Variants in EPHA6 observed in about 807,000 individuals in gnomAD.
EPHA6 encodes EPH receptor A6.
In EPHA6, 50 loss-of-function variants were observed where a neutral mutation model predicts 112.0. The observed-to-expected ratio is 0.45, with a 90% CI of 0.36 to 0.56. EPHA6 has a LOEUF of 0.56. EPHA6 is among the 20% of genes least tolerant of loss of function. EPHA6 has a pLI of 0.00. For missense variants in EPHA6, 1,280 were observed against 1,417.4 expected (o/e 0.90, Z 1.56); for synonymous variants, 529 against 490.7 (o/e 1.08, Z -1.03).
At chr3:97,579,887 A>T (rs942123129) in intron 11 of EPHA6, among the ~76,000 whole-genome samples, 4 of 152,058 alleles carry the variant, frequency 2.6e-5, no homozygotes, top group Admixed American at 6.6e-5. Context: ...AGCATCTTTT[A>T]AAAAAAACTA....
chr3:97,182,763 C>T lies in EPHA6; in HGVS notation c.1115-43501C>T, dbSNP rs1445124958. 7.2e-5 allele frequency among the ~76,000 whole-genome samples: 11 copies of T among 152,170 alleles called. 1 individual carries two copies. In the East Asian group the frequency reaches 2.1e-3, roughly 30 times the overall value. On this transcript the variant is annotated intron_variant, in intron 3 of 17. Transcript: ENST00000389672. ...TTGATATTTTAAAAAAGTCTTCACA[C>T]ATAGTTTCATAAGAGAAAGTAGTGT...
At chr3:97,558,432 A>G (rs998590325) in intron 11 of EPHA6, among the ~76,000 whole-genome samples, 9 of 151,982 alleles carry the variant, frequency 5.9e-5, no homozygotes, top group African/African-American at 1.7e-4. Flanking sequence ...CCATTCAGTC[A>G]ATGAGTAAAT....
chr3:97,602,047 G>A (rs2093647411), intron 12 of EPHA6, among the ~76,000 whole-genome samples: 1 of 152,004 alleles, frequency 6.6e-6, no homozygotes, highest in Non-Finnish European at 1.5e-5. Flanking sequence ...TATTCAGGAT[G>A]TAACACTTTC....
chr3:97,205,506 A>T (rs548289679), intron 3 of EPHA6, among the ~76,000 whole-genome samples: 2 of 152,160 alleles, frequency 1.3e-5, no homozygotes, highest in Non-Finnish European at 1.5e-5. Flanking sequence ...TCAGACGTGA[A>T]TTTTTTTCAA....
At chr3:97,331,316 C>A (rs565672374) in intron 5 of EPHA6, among the ~76,000 whole-genome samples, 7 of 152,090 alleles carry the variant, frequency 4.6e-5, no homozygotes, top group South Asian at 2.1e-4. Context: ...GAAATTGACA[C>A]CCTAACATCA....
chr3:96,832,273 A>C (rs1259780326), intron 1 of EPHA6, among the ~76,000 whole-genome samples: 3 of 152,092 alleles, frequency 2.0e-5, no homozygotes, highest in African/African-American at 7.2e-5. Context: ...ATAGAGTTTA[A>C]CAGTTCAGCC....
chr3:97,282,197 ATAAG>A (rs1360813412), intron 5 of EPHA6, among the ~76,000 whole-genome samples: 1 of 152,200 alleles, frequency 6.6e-6, no homozygotes, highest in Admixed American at 6.5e-5. Flanking sequence ...TCAGATAAAT[ATAAG>A]TATGTTCAAT....
chr3:96,994,732 T>TATATATATATAG (rs1170197805), intron 3 of EPHA6, among the ~76,000 whole-genome samples: 12 of 82,198 alleles, frequency 1.5e-4, no homozygotes, highest in Admixed American at 1.0e-3. Flanking sequence ...TATATATATA[T>TATATATATATAG]AGAGAGAGAG....
chr3:97,323,567 A>G (rs2082223717), intron 5 of EPHA6, among the ~76,000 whole-genome samples: 1 of 151,918 alleles, frequency 6.6e-6, no homozygotes, highest in Admixed American at 6.6e-5. Flanking sequence ...GGAAAACACT[A>G]AACTTATGAA....
At chr3:97,668,204 A>G (rs1255622598) in intron 14 of EPHA6, among the ~76,000 whole-genome samples, 2 of 152,208 alleles carry the variant, frequency 1.3e-5, no homozygotes, top group Admixed American at 6.5e-5. Context: ...AGCAAATCAG[A>G]CCTATTCTGC....
At chr3:97,018,611 T>C (rs1410766332) in intron 3 of EPHA6, among the ~76,000 whole-genome samples, 1 of 152,176 alleles carries the variant, frequency 6.6e-6, no homozygotes, top group Non-Finnish European at 1.5e-5. Flanking sequence ...TTTAGTACTT[T>C]CACTAATTTG....
At chr3:97,027,029 G>T in intron 3 of EPHA6, among the ~76,000 whole-genome samples, 1 of 152,132 alleles carries the variant, frequency 6.6e-6, no homozygotes, top group Non-Finnish European at 1.5e-5. Context: ...CAAAGACATG[G>T]AATCAATCTA....
intron 5 of EPHA6, among the ~76,000 whole-genome samples, chr3:97,275,067 G>A (rs756383591): frequency 4.6e-5 from 7 of 152,180 alleles, no homozygotes; most frequent in Admixed American, 1.3e-4. Flanking sequence ...GCCGCTGAAC[G>A]CAAACATGAG....
At chr3:96,963,522 GC>G (rs2042018780) in intron 2 of EPHA6, among the ~76,000 whole-genome samples, 1 of 152,122 alleles carries the variant, frequency 6.6e-6, no homozygotes, top group East Asian at 1.9e-4. Context: ...ATAAATGTAT[GC>G]TTTTTATTGT....
intron 1 of EPHA6, among the ~76,000 whole-genome samples, chr3:96,841,672 C>T (rs7644167): frequency 0.25 from 38,231 of 151,910 alleles, 8,996 homozygotes; most frequent in African/African-American, 0.6. Flanking sequence ...AACGGAGATA[C>T]AGTTTGAGAG....
At chr3:97,350,158 G>C (rs2083735999) in intron 5 of EPHA6, among the ~76,000 whole-genome samples, 1 of 151,954 alleles carries the variant, frequency 6.6e-6, no homozygotes, top group Admixed American at 6.6e-5. Context: ...GAGAAAGAAT[G>C]AGATATCTGG....
At chr3:96,831,376 C>T (rs112133428) in intron 1 of EPHA6, among the ~76,000 whole-genome samples, 1,585 of 152,162 alleles carry the variant, frequency 0.01, 27 homozygotes, top group African/African-American at 0.036. Flanking sequence ...ACGTGGGCTA[C>T]TTTTGATTTT....
intron 7 of EPHA6, among the ~76,000 whole-genome samples, chr3:97,456,103 A>G (rs1401686081): frequency 6.6e-6 from 1 of 152,134 alleles, no homozygotes; most frequent in Non-Finnish European, 1.5e-5. Flanking sequence ...TAACAACAGT[A>G]GATCTATTTC....
intron 12 of EPHA6, chr3:97,606,163 C>T (rs1050689373): frequency 6.6e-6 from 1 of 151,274 alleles, no homozygotes; most frequent in African/African-American, 2.4e-5. Flanking sequence ...TTTCTAGTGC[C>T]CTTCCTACTA....
Sources: allele counts gnomAD v4.1 joint callset (sites outside exome capture counted in the v4.1 genomes callset), GRCh38; gene constraint gnomAD v4.1.1; transcripts MANE v1.5; gene names NCBI Gene and HGNC (gene_info 2026-07-23, HGNC 2026-07-21).